Variants in CCDC40 observed in about 807,000 individuals in gnomAD.
CCDC40 encodes coiled-coil domain 40 molecular ruler complex subunit, also known as coiled-coil domain-containing protein 40.
Under a neutral mutation model 124.5 loss-of-function variants are expected in CCDC40, and 104 were observed. The observed-to-expected ratio is 0.84, with a 90% CI of 0.71 to 0.98. The LOEUF (loss-of-function observed/expected upper bound fraction) is 0.98. CCDC40 is among the 50% of genes least tolerant of loss of function. CCDC40 has a pLI of 0.00. For synonymous variants in CCDC40, 580 were observed against 602.9 expected (o/e 0.96, Z 0.56); for missense variants, 1,463 against 1,503.9 (o/e 0.97, Z 0.45).
chr17:80,087,659 G>A lies in CCDC40; in HGVS notation c.2502G>A (p.Lys834=). 1 of 1,614,054 alleles carries A rather than the reference G, an allele frequency of 6.2e-7. No homozygotes were observed. The highest frequency in any genetic ancestry group is 8.5e-7 in the Non-Finnish European group (1 of 1,179,886). The part of the protein sequence containing the change: ...KEQKEIEHHM[K]DLDNDLKKLN... ...AGAAGGAGATCGAGCACCACATGAA[G>A]GACCTGGACAACGACCTGAAGAAGC... The change falls in exon 15 of 20, where the codon AAG becomes AAA. Residue 834 remains lysine, a synonymous_variant. Coordinates refer to ENST00000397545, the MANE Select transcript of CCDC40 (RefSeq NM_017950.4). This position sits in a 1 kb window ranked among gnomAD's most constrained non-coding sequence, Gnocchi z 4.5.
intron 4 of CCDC40, chr17:80,048,312 C>A: frequency 2.0e-6 from 1 of 495,786 alleles, no homozygotes; most frequent in Non-Finnish European, 3.7e-6. Flanking sequence ...CCTTTCTGTT[C>A]ACTCTTTATG....
At chr17:80,044,704 A>ATATAGATAT (rs1485851817) in intron 3 of CCDC40, among the ~76,000 whole-genome samples, 1 of 37,228 alleles carries the variant, frequency 2.7e-5, no homozygotes, top group Non-Finnish European at 6.3e-5. Flanking sequence ...AAAACAAACA[A>ATATAGATAT]ACAAAAAAAA....
chr17:80,085,055 C>G, intron 13 of CCDC40, 67 bp downstream of exon 13: 1 of 1,581,980 alleles, frequency 6.3e-7, no homozygotes, highest in Non-Finnish European at 8.6e-7. Context: ...AGAGCCCCCT[C>G]AGATCCCCCA....
chr17:80,074,357 A>G (rs1258114302), intron 10 of CCDC40, among the ~76,000 whole-genome samples: 2 of 152,126 alleles, frequency 1.3e-5, no homozygotes, highest in South Asian at 2.1e-4. Flanking sequence ...AAAAATACAA[A>G]AAGTTATCCA....
intron 7 of CCDC40, among the ~76,000 whole-genome samples, chr17:80,050,547 C>T (rs1285897345): frequency 2.0e-5 from 3 of 152,218 alleles, no homozygotes; most frequent in Admixed American, 6.5e-5. Context: ...GGGATCAAGC[C>T]AGTCTCCTGG....
intron 12 of CCDC40, among the ~76,000 whole-genome samples, chr17:80,082,763 A>G (rs1598535435): frequency 6.6e-6 from 1 of 152,102 alleles, no homozygotes; most frequent in Non-Finnish European, 1.5e-5. Flanking sequence ...CCCAATCCCC[A>G]GGCCCCCGGG....
intron 7 of CCDC40, among the ~76,000 whole-genome samples, chr17:80,055,997 TA>T (rs1568682532): frequency 0.068 from 809 of 11,904 alleles, 88 homozygotes; most frequent in African/African-American, 0.12. Flanking sequence ...TATATATATA[TA>T]TATATATATA....
rs1258750915 is a variant in CCDC40 at position 80,058,451 on chromosome 17, C to T, written c.1160-43C>T. ...GCATGGGGGACGCTGGGACAGCCTC[C>T]CCACTCACTCTCTCTCTCTTTCTCC... On this transcript the variant is annotated intron_variant, in intron 7 of 19. Coordinates refer to ENST00000397545, the MANE Select transcript of CCDC40 (RefSeq NM_017950.4). This position sits in a 1 kb window ranked among gnomAD's most constrained non-coding sequence, Gnocchi z 4.2. 6.3e-7 allele frequency: 1 copy of T among 1,597,920 alleles called. No homozygotes were observed. Among genetic ancestry groups the T allele is most frequent in the Non-Finnish European group, 8.6e-7 (1 of 1,168,334 alleles).
rs2038340311 is a variant in CCDC40 at position 80,077,601 on chromosome 17, G to C, written c.1563-3945G>C. 3.3e-5 allele frequency among the ~76,000 whole-genome samples: 5 copies of C among 152,234 alleles called. No homozygotes were observed. The South Asian group carries it at 1.0e-3, about 31-fold the overall frequency. The stretch of plus-strand genomic sequence containing the variant: ...ATTTGCATTTTCTCCAGCAATTTAT[G>C]AGAGTCCCAGTTGTTCCACATCCTC... On this transcript the variant is annotated intron_variant, in intron 10 of 19. Coordinates refer to ENST00000397545, the MANE Select transcript of CCDC40 (RefSeq NM_017950.4).
intron 4 of CCDC40, chr17:80,048,293 A>C: frequency 2.3e-6 from 1 of 443,212 alleles, no homozygotes; most frequent in Non-Finnish European, 4.2e-6. Flanking sequence ...TCCACTAGTT[A>C]AGTGGCCACC....
intron 10 of CCDC40, among the ~76,000 whole-genome samples, chr17:80,070,273 C>A (rs1298015606): frequency 6.6e-6 from 1 of 152,156 alleles, no homozygotes; most frequent in East Asian, 1.9e-4. Flanking sequence ...GGCCACAGAC[C>A]AAAGACAGAG....
chr17:80,079,685 G>T (rs2038400931), intron 10 of CCDC40, among the ~76,000 whole-genome samples: 1 of 151,882 alleles, frequency 6.6e-6, no homozygotes, highest in South Asian at 2.1e-4. Context: ...ACTTTGGGAA[G>T]CTGAGGCAGG....
intron 7 of CCDC40, among the ~76,000 whole-genome samples, chr17:80,056,359 C>T (rs1485906600): frequency 6.6e-6 from 1 of 152,092 alleles, no homozygotes; most frequent in Non-Finnish European, 1.5e-5. Context: ...GAGGCTCACG[C>T]CTGTAGTGTT....
At position 80,090,303 on chromosome 17, in the gene CCDC40, G is replaced by A. The variant is rs773978203; in HGVS notation, c.2832+419G>A. On this transcript the variant is annotated intron_variant, in intron 17 of 19. Coordinates refer to ENST00000397545, the MANE Select transcript of CCDC40 (RefSeq NM_017950.4). ...AACAACACGGGACGCGCGCAGGCAC[G>A]TGCACGAACAACACGGGACGCGCGC... The A allele has an allele frequency of 1.1e-5, 14 of 1,327,788 alleles. 2 individuals are homozygous for A. The highest frequency in any genetic ancestry group is 6.3e-5 in the South Asian group (4 of 63,642). 82.3% of individuals were successfully genotyped at this position (1,327,788 alleles called of 1,614,324 possible). A position where few individuals can be genotyped will look rare whatever the true frequency, so the allele number is the denominator to read the frequency against.
chr17:80,089,716 T>A (rs1399111147), intron 16 of CCDC40, 48 bp from the exon 17 acceptor site: 1 of 1,611,344 alleles, frequency 6.2e-7, no homozygotes, highest in South Asian at 1.1e-5. Context: ...CACCGAAGCA[T>A]CAGAAGAAAA....
intron 17 of CCDC40, among the ~76,000 whole-genome samples, chr17:80,094,183 G>A (rs367640213): frequency 6.6e-4 from 100 of 151,868 alleles, no homozygotes; most frequent in African/African-American, 2.2e-3. Flanking sequence ...AGGCCGAGGC[G>A]GGTGGATCAC....
At chr17:80,090,787 A>C in intron 17 of CCDC40, 2 of 1,280,200 alleles carry the variant, frequency 1.6e-6, no homozygotes, top group East Asian at 7.0e-5. Context: ...CAGTTCATAA[A>C]ATAAATGGGC....
chr17:80,049,409 CAAAAAAAAAA>C (rs34096428), intron 5 of CCDC40, among the ~76,000 whole-genome samples: 1 of 112,830 alleles, frequency 8.9e-6, no homozygotes. Context: ...AACTCTGTCT[CAAAAAAAAAA>C]AAAAAAAAAT....
In CCDC40 at chr17:80,095,254, G is replaced by A. The variant is rs749189349; in HGVS notation, c.2833-9G>A. The A allele has an allele frequency of 1.7e-5, 28 of 1,613,494 alleles. 1 individual carries two copies. In the South Asian group the frequency reaches 2.2e-4, roughly 13 times the overall value. On this transcript the variant is annotated splice_polypyrimidine_tract_variant and intron_variant, in intron 17 of 19. Coordinates refer to ENST00000397545, the MANE Select transcript of CCDC40 (RefSeq NM_017950.4). The stretch of plus-strand genomic sequence containing the variant: ...GCCCCAGCCCCAGCCCCTCTGTCCT[G>A]TCTCCCAGGTCAGGCTCGGGCAGCT...
Sources: gnomAD v4.1 joint callset for allele counts (sites outside exome capture counted in the v4.1 genomes callset) on GRCh38, gnomAD v4.1.1 for gene constraint, Gnocchi (gnomAD v3.1) non-coding constraint, MANE v1.5 for transcripts, NCBI Gene and HGNC (gene_info 2026-07-23, HGNC 2026-07-21) for gene names.